SAMD12: variants seen among roughly 807,000 people sequenced by gnomAD.
SAMD12 encodes the protein sterile alpha motif domain-containing protein 12.
In SAMD12, 9 loss-of-function variants were observed where a neutral mutation model predicts 15.0. The ratio of observed to expected loss-of-function variants is 0.60; its 90% CI spans 0.36 to 1.05. The LOEUF (loss-of-function observed/expected upper bound fraction) is 1.05. SAMD12 is among the 50% of genes least tolerant of loss of function. SAMD12 has a pLI of 0.01. For missense variants in SAMD12, 230 were observed against 234.2 expected (o/e 0.98, Z 0.12); for synonymous variants, 86 against 90.1 (o/e 0.96, Z 0.25).
intron 1 of SAMD12, among the ~76,000 whole-genome samples, chr8:118,620,618 G>C (rs1364565729): frequency 6.6e-6 from 1 of 152,130 alleles, no homozygotes; most frequent in Non-Finnish European, 1.5e-5. Flanking sequence ...TAGGAGCTGG[G>C]TTGTTGCTAC....
downstream of SAMD12, among the ~76,000 whole-genome samples, chr8:118,188,587 C>T (rs1451894555): frequency 4.6e-5 from 7 of 152,196 alleles, no homozygotes; most frequent in Non-Finnish European, 8.8e-5. Flanking sequence ...TTTATAAGTG[C>T]TTTTTCCTTT....
intron 4 of SAMD12, among the ~76,000 whole-genome samples, chr8:118,212,082 G>T (rs571392346): frequency 6.6e-6 from 1 of 151,982 alleles, no homozygotes; most frequent in South Asian, 2.1e-4. Flanking sequence ...GTGTGTGTGT[G>T]TTTGTGTGAA....
intron 2 of SAMD12, among the ~76,000 whole-genome samples, chr8:118,555,975 T>C (rs558839790): frequency 1.4e-4 from 21 of 152,300 alleles, no homozygotes; most frequent in Non-Finnish European, 2.9e-4. Flanking sequence ...CCAGTGACTA[T>C]CCTTATCGTT....
chr8:118,171,982 A>G, the SAMD12 span, among the ~76,000 whole-genome samples: 1 of 152,118 alleles, frequency 6.6e-6, no homozygotes, highest in African/African-American at 2.4e-5. Context: ...GGAAACCATC[A>G]CTCTGAGCAA....
In SAMD12 at chr8:118,475,498, G is replaced by C. The variant is rs1015292531; in HGVS notation, c.193-35537C>G. ...ATTTATAGCAATGCAAACAGACTAA[G>C]ACACTAATATTACCCCCATTTTACA... On this transcript the variant is annotated intron_variant, in intron 2 of 3. Transcript: ENST00000314727. Among the ~76,000 whole-genome samples, 3 of 152,150 alleles carry C rather than the reference G, an allele frequency of 2.0e-5. No homozygotes were observed. In the East Asian group the frequency reaches 5.8e-4, roughly 29 times the overall value.
At chr8:118,413,690 A>T (rs529567593) in intron 3 of SAMD12, among the ~76,000 whole-genome samples, 1 of 152,104 alleles carries the variant, frequency 6.6e-6, no homozygotes, top group Non-Finnish European at 1.5e-5. Flanking sequence ...GTGTCATACT[A>T]CTTCTCACCC....
At chr8:118,471,796 G>A (rs771808106) in intron 2 of SAMD12, among the ~76,000 whole-genome samples, 40 of 152,188 alleles carry the variant, frequency 2.6e-4, no homozygotes, top group Non-Finnish European at 4.9e-4. Context: ...CCGTGGTGGT[G>A]ATGGTGATGA....
At chr8:118,404,509 T>C (rs7832475) in intron 3 of SAMD12, among the ~76,000 whole-genome samples, 76,342 of 152,056 alleles carry the variant, frequency 0.5, 20,594 homozygotes, top group African/African-American at 0.71. Flanking sequence ...CAAAGCACCT[T>C]GATTGTTTGC....
At chr8:118,512,153 G>A (rs1264168324) in intron 2 of SAMD12, among the ~76,000 whole-genome samples, 2 of 152,020 alleles carry the variant, frequency 1.3e-5, no homozygotes, top group Admixed American at 6.5e-5. Context: ...ATATTAATTG[G>A]GCCAGTGAAT....
chr8:118,156,703 C>T, the SAMD12 span, among the ~76,000 whole-genome samples: 1 of 151,942 alleles, frequency 6.6e-6, no homozygotes, highest in Admixed American at 6.6e-5. Context: ...GCAAAGTTAT[C>T]ATATAGAAAA....
chr8:118,541,042 G>A (rs1655808461), intron 2 of SAMD12, among the ~76,000 whole-genome samples: 2 of 152,158 alleles, frequency 1.3e-5, no homozygotes, highest in South Asian at 4.2e-4. Context: ...GAGCTATAAG[G>A]ACCTGTCTTT....
At position 118,536,782 on chromosome 8, in the gene SAMD12, C is replaced by G. The variant is rs1406858718; in HGVS notation, c.192+43933G>C. Among the ~76,000 whole-genome samples, 7 of 152,294 alleles carry G rather than the reference C, an allele frequency of 4.6e-5. No individual in the cohort carries two copies. The East Asian group carries it at 1.3e-3, about 29-fold the overall frequency. ...TTGATTGATGCATCTTTCAGTCTTT[C>G]TACTCAAGATATGAGCTTATACACC... On this transcript the variant is annotated intron_variant, in intron 2 of 3. Transcript: ENST00000314727.
At chr8:118,446,915 G>C (rs957889182) in intron 2 of SAMD12, among the ~76,000 whole-genome samples, 1 of 152,046 alleles carries the variant, frequency 6.6e-6, no homozygotes, top group Non-Finnish European at 1.5e-5. Context: ...ATATACATAT[G>C]CAACTGATGA....
At chr8:118,367,431 T>C (rs1020094478) in intron 4 of SAMD12, among the ~76,000 whole-genome samples, 1 of 152,190 alleles carries the variant, frequency 6.6e-6, no homozygotes, top group African/African-American at 2.4e-5. Context: ...ATAAAACCAA[T>C]ATCAATTGTT....
At chr8:118,398,040 C>T (rs1004208685) in intron 3 of SAMD12, among the ~76,000 whole-genome samples, 2 of 152,146 alleles carry the variant, frequency 1.3e-5, no homozygotes, top group African/African-American at 4.8e-5. Context: ...CCACCTGCCT[C>T]GGGCTCCCAA....
intron 4 of SAMD12, among the ~76,000 whole-genome samples, chr8:118,280,217 G>A (rs760905962): frequency 7.2e-5 from 11 of 152,208 alleles, no homozygotes; most frequent in Non-Finnish European, 1.5e-4. Flanking sequence ...CTGTGTAAAT[G>A]ATAGCATAAT....
intron 4 of SAMD12, among the ~76,000 whole-genome samples, chr8:118,337,227 C>T (rs185882712): frequency 1.3e-5 from 2 of 151,970 alleles, no homozygotes; most frequent in African/African-American, 2.4e-5. Context: ...CTCCAGATTA[C>T]GGGACAAGAT....
intron 1 of SAMD12, among the ~76,000 whole-genome samples, chr8:118,607,661 T>A (rs547251277): frequency 5.3e-5 from 8 of 152,218 alleles, no homozygotes; most frequent in Non-Finnish European, 8.8e-5. Context: ...ATAGGGATGA[T>A]AATGAAACCT....
intron 2 of SAMD12, among the ~76,000 whole-genome samples, chr8:118,444,620 G>C (rs1361544367): frequency 6.9e-6 from 1 of 145,580 alleles, no homozygotes; most frequent in Admixed American, 6.9e-5. Flanking sequence ...ATTCTGATTT[G>C]TATTTAACTA....
Sources: gnomAD v4.1 joint callset for allele counts (sites outside exome capture counted in the v4.1 genomes callset) on GRCh38, gnomAD v4.1.1 for gene constraint, MANE v1.5 for transcripts, NCBI Gene and HGNC (gene_info 2026-07-23, HGNC 2026-07-21) for gene names.